The following SDK1 variants were observed in gnomAD, a reference collection of about 807,000 sequenced individuals.
SDK1 encodes the protein protein sidekick-1.
SDK1 carries 157 observed loss-of-function variants against 245.5 expected under a neutral mutation model. The observed-to-expected ratio is 0.64, with a 90% CI of 0.56 to 0.73. SDK1 has a LOEUF of 0.73. Among genes scored for constraint, SDK1 ranks in the 30% least tolerant of loss-of-function variants. The pLI is 0.00. For missense variants in SDK1, 3,583 were observed against 3,002.3 expected, an observed-to-expected ratio of 1.19 and a Z score of -4.52; for synonymous variants, 1,647 against 1,278.5, an observed-to-expected ratio of 1.29 and a Z score of -6.15.
At chr7:3,799,277 T>C (rs1779044367) in intron 4 of SDK1, among the ~76,000 whole-genome samples, 3 of 152,154 alleles carry the variant, frequency 2.0e-5, no homozygotes, top group Admixed American at 2.0e-4. Context: ...AAAGAAATAG[T>C]ATCTTTAGGA....
intron 1 of SDK1, among the ~76,000 whole-genome samples, chr7:3,560,703 C>T (rs946784880): frequency 6.6e-6 from 1 of 152,136 alleles, no homozygotes; most frequent in Non-Finnish European, 1.5e-5. Context: ...CCCATTTAAA[C>T]AGAGTTCAGA....
chr7:3,646,040 G>T (rs542562755), intron 4 of SDK1, among the ~76,000 whole-genome samples: 1 of 152,102 alleles, frequency 6.6e-6, no homozygotes, highest in Admixed American at 6.5e-5. Flanking sequence ...TGTCTTTTTA[G>T]TAGAGATGGG....
At chr7:3,658,012 C>G (rs980553762) in intron 4 of SDK1, among the ~76,000 whole-genome samples, 1 of 152,152 alleles carries the variant, frequency 6.6e-6, no homozygotes, top group Non-Finnish European at 1.5e-5. Flanking sequence ...GCCAAAGGGT[C>G]CTGCACAGGC....
At chr7:3,357,454 G>A (rs1052397764) in intron 1 of SDK1, among the ~76,000 whole-genome samples, 2 of 142,720 alleles carry the variant, frequency 1.4e-5, no homozygotes, top group African/African-American at 5.2e-5. Context: ...GGGCTCAGGT[G>A]ATCTTCCCAC....
rs144974128 is a variant in SDK1 at position 3,895,181 on chromosome 7, G to A, written c.848-55742G>A. Among the ~76,000 whole-genome samples the A allele has an allele frequency of 2.6e-4, 39 of 152,226 alleles. No individual in the cohort carries two copies. The East Asian group carries it at 7.1e-3, about 28-fold the overall frequency. ...AAGAAATCATAAGTAGTAATTAAGG[G>A]GCTTGGTACCCATAGAGTCATCTCA... On this transcript the variant is annotated intron_variant, in intron 5 of 44. Transcript: ENST00000404826.
At chr7:4,227,428 C>G (rs1354416557) in intron 40 of SDK1, 4 of 471,112 alleles carry the variant, frequency 8.5e-6, no homozygotes, top group Middle Eastern at 6.5e-4. Flanking sequence ...TGGAAGGTAA[C>G]TGTCTTTTTT....
chr7:3,657,344 G>T (rs1246130904), intron 4 of SDK1, among the ~76,000 whole-genome samples: 1 of 152,172 alleles, frequency 6.6e-6, no homozygotes, highest in Non-Finnish European at 1.5e-5. Flanking sequence ...GTGTCTACAG[G>T]GTGGGTTCCC....
At position 3,370,389 on chromosome 7, in the gene SDK1, C is replaced by A. The variant is rs982808224; in HGVS notation, c.298+68505C>A. Among the ~76,000 whole-genome samples the A allele has an allele frequency of 2.0e-5, 3 of 152,174 alleles. No individual in the cohort carries two copies. In the East Asian group the frequency reaches 5.8e-4, roughly 29 times the overall value. Reference sequence around the variant, plus strand: ...TTGCAGTCAGTTGTTCTTTATAAGTCTGTATCTTGACTTCACAGTGGTGTG... The same window carrying A: ...TTGCAGTCAGTTGTTCTTTATAAGTATGTATCTTGACTTCACAGTGGTGTG... On this transcript the variant is annotated intron_variant, in intron 1 of 44. Transcript: ENST00000404826.
intron 4 of SDK1, among the ~76,000 whole-genome samples, chr7:3,777,015 C>G (rs1780586422): frequency 6.6e-6 from 1 of 152,120 alleles, no homozygotes; most frequent in Non-Finnish European, 1.5e-5. Flanking sequence ...CTCTTCTGCC[C>G]CAGCGCCTCA....
chr7:4,266,880 G>A lies in SDK1; in HGVS notation c.*1496G>A, dbSNP rs1562498415. On this transcript the variant is annotated 3_prime_UTR_variant, in exon 45 of 45. Coordinates refer to ENST00000404826, the MANE Select transcript of SDK1 (RefSeq NM_152744.4). ...ACCCTGTCAGTGCCCCCCAGTGCAC[G>A]GCAAACGGGCAGGTGCCGTTCCCCC... The A allele has an allele frequency of 4.1e-6, 4 of 985,404 alleles. No homozygotes were observed. The highest frequency in any genetic ancestry group is 1.7e-5 in the African/African-American group (1 of 57,244). The allele number at this position is 985,404 out of a possible 1,614,324, so 61.0% of individuals were successfully genotyped here.
intron 1 of SDK1, among the ~76,000 whole-genome samples, chr7:3,552,898 C>G (rs764069750): frequency 1.4e-4 from 21 of 152,158 alleles, no homozygotes; most frequent in Admixed American, 7.2e-4. Flanking sequence ...TCCAGTTTAT[C>G]TGAAGATTGT....
At chr7:3,814,853 G>C (rs1779468383) in intron 4 of SDK1, among the ~76,000 whole-genome samples, 1 of 151,510 alleles carries the variant, frequency 6.6e-6, no homozygotes, top group African/African-American at 2.4e-5. Context: ...GGATTCCTAG[G>C]TATTTTATTC....
At chr7:3,815,706 G>C (rs562509964) in intron 4 of SDK1, among the ~76,000 whole-genome samples, 369 of 152,044 alleles carry the variant, frequency 2.4e-3, no homozygotes, top group Non-Finnish European at 4.0e-3. Context: ...TTCCTCCAAG[G>C]ATACCCAGGA....
chr7:4,227,674 A>G (rs899528072), intron 40 of SDK1, among the ~76,000 whole-genome samples: 8 of 152,186 alleles, frequency 5.3e-5, no homozygotes, highest in African/African-American at 1.9e-4. Flanking sequence ...ACCCTGTTTA[A>G]TTGTCCATGA....
At chr7:3,322,142 A>G (rs963008500) in intron 1 of SDK1, among the ~76,000 whole-genome samples, 2 of 151,866 alleles carry the variant, frequency 1.3e-5, no homozygotes, top group Non-Finnish European at 2.9e-5. Flanking sequence ...TTCATCCCCC[A>G]CCAAAGGAAG....
intron 5 of SDK1, among the ~76,000 whole-genome samples, chr7:3,843,608 C>G (rs1451934572): frequency 6.6e-6 from 1 of 152,094 alleles, no homozygotes; most frequent in Non-Finnish European, 1.5e-5. Flanking sequence ...TCTTTTAGAT[C>G]TAAAACAATA....
chr7:3,477,823 G>GT (rs1434110961), intron 1 of SDK1, among the ~76,000 whole-genome samples: 1 of 151,882 alleles, frequency 6.6e-6, no homozygotes, highest in African/African-American at 2.4e-5. Flanking sequence ...CTGCTTTATG[G>GT]TTTTTTATAT....
chr7:4,194,298 GTGTATACA>G (rs1783422767), intron 35 of SDK1, among the ~76,000 whole-genome samples: 1 of 99,774 alleles, frequency 1.0e-5, no homozygotes, highest in Non-Finnish European at 2.2e-5. Context: ...ATGCACGTAT[GTGTATACA>G]TGTATACATA....
At chr7:4,234,043 A>G (rs1323541819) in intron 41 of SDK1, among the ~76,000 whole-genome samples, 1 of 152,170 alleles carries the variant, frequency 6.6e-6, no homozygotes, top group Admixed American at 6.5e-5. Context: ...CTTGCCGAGG[A>G]GCATGTGTGA....
Sources: gnomAD v4.1 joint callset for allele counts (sites outside exome capture counted in the v4.1 genomes callset) on GRCh38, gnomAD v4.1.1 for gene constraint, MANE v1.5 for transcripts, NCBI Gene and HGNC (gene_info 2026-07-23, HGNC 2026-07-21) for gene names.